Variants in CCNJL observed in about 807,000 individuals in gnomAD.
The protein encoded by CCNJL is cyclin-J-like protein.
Under a neutral mutation model 33.4 loss-of-function variants are expected in CCNJL, and 33 were observed. That is an observed-to-expected ratio of 0.99 (90% CI 0.75 to 1.32). The LOEUF is 1.32. Among genes scored for constraint, CCNJL ranks in the 40% most tolerant of loss-of-function variants. The pLI, the probability that CCNJL is intolerant of heterozygous loss-of-function variation, is 0.00. For missense variants in CCNJL, 512 were observed against 499.7 expected (o/e 1.02, Z -0.23); for synonymous variants, 227 against 220.9 (o/e 1.03, Z -0.24).
chr5:160,280,509 G>T lies in CCNJL; in HGVS notation c.280+16C>A. The T allele has an allele frequency of 6.2e-7, 1 of 1,604,340 alleles. No homozygotes were observed. ...AGACCGCACAAGCGCGGAGGAAGACGTAGGTTTTCGCTTACTTGCAAGCAG... is the reference window on the plus strand; with the variant it reads ...AGACCGCACAAGCGCGGAGGAAGACTTAGGTTTTCGCTTACTTGCAAGCAG... On this transcript the variant is annotated intron_variant, in intron 3 of 5. Coordinates refer to ENST00000257536, the MANE Select transcript of CCNJL (RefSeq NM_001308173.3).
At chr5:160,266,753 T>C (rs542278047) in intron 3 of CCNJL, among the ~76,000 whole-genome samples, 14 of 152,222 alleles carry the variant, frequency 9.2e-5, no homozygotes, top group African/African-American at 3.4e-4. Flanking sequence ...TATCTAGAAA[T>C]ATTTTCTTAC....
chr5:160,289,687 G>C (rs1050016550), intron 2 of CCNJL, among the ~76,000 whole-genome samples: 1 of 152,166 alleles, frequency 6.6e-6, no homozygotes, highest in African/African-American at 2.4e-5. Context: ...ATGAATCACA[G>C]CCCACCTAAA....
At position 160,320,379 on chromosome 5, in the gene CCNJL, C is replaced by T. The variant is rs1048359484; in HGVS notation, n.207-4874G>A. Among the ~76,000 whole-genome samples, 3 of 152,218 alleles carry T rather than the reference C, an allele frequency of 2.0e-5. No homozygotes were observed. In the South Asian group the frequency reaches 6.2e-4, roughly 32 times the overall value. On this transcript the variant is annotated intron_variant and non_coding_transcript_variant, in intron 1 of 7. Transcript: ENST00000377503. ...GGGTGGGATTCGATCCCAGAGGACA[C>T]AATCTGGGGGGATAAGAGGGTCAGG... is the stretch of plus-strand genomic sequence containing the variant.
At chr5:160,273,650 T>TTG (rs1761914629) in intron 3 of CCNJL, among the ~76,000 whole-genome samples, 1 of 144,136 alleles carries the variant, frequency 6.9e-6, no homozygotes, top group African/African-American at 2.6e-5. Context: ...CACTTTTTTT[T>TTG]TTTTTTTTTT....
intron 1 of CCNJL, among the ~76,000 whole-genome samples, chr5:160,338,968 T>A (rs1158698188): frequency 6.6e-6 from 1 of 152,096 alleles, no homozygotes; most frequent in African/African-American, 2.4e-5. Flanking sequence ...TTTTTGTATT[T>A]AGTAGAGATG....
intron 1 of CCNJL, among the ~76,000 whole-genome samples, chr5:160,333,572 C>G (rs896585105): frequency 3.4e-5 from 5 of 148,838 alleles, no homozygotes; most frequent in Non-Finnish European, 5.9e-5. Flanking sequence ...GCCTGGGTAA[C>G]AGAGTGAGAC....
Position 160,280,667 on chromosome 5 carries a change from C to T in CCNJL, c.138G>A (p.Leu46=). 6.2e-7 allele frequency: 1 copy of T among 1,613,510 alleles called. No homozygotes were observed. The highest frequency in any genetic ancestry group is 8.5e-7 in the Non-Finnish European group (1 of 1,179,928). ...LKSRRFFVDI[L]TLLSSHCQLC... Reference sequence around the variant, plus strand: ...GCTGGCAGTGGCTGCTCAGCAGGGTCAGGATGTCCACGAAGAACCGGCGGC... The same window carrying T: ...GCTGGCAGTGGCTGCTCAGCAGGGTTAGGATGTCCACGAAGAACCGGCGGC... Residue 46 remains leucine, a synonymous_variant, in exon 3 of 6, where the codon CTG becomes CTA. Transcript: ENST00000257536.
At chr5:160,278,464 G>C (rs1004069746) in intron 3 of CCNJL, among the ~76,000 whole-genome samples, 1 of 152,150 alleles carries the variant, frequency 6.6e-6, no homozygotes, top group African/African-American at 2.4e-5. Context: ...CTGGGGAGAG[G>C]GGAGGAGGGA....
At chr5:160,272,093 G>A (rs1761856203) in intron 3 of CCNJL, among the ~76,000 whole-genome samples, 1 of 152,232 alleles carries the variant, frequency 6.6e-6, no homozygotes, top group Non-Finnish European at 1.5e-5. Flanking sequence ...CAGCTTTGGG[G>A]AGAGCTGATG....
rs150091391 is a variant in CCNJL, at chr5:160,285,830, T to C, written c.67-5092A>G. Among the ~76,000 whole-genome samples, 350 of 152,324 alleles carry C rather than the reference T, an allele frequency of 2.3e-3. 4 individuals carry two copies. The highest frequency in any genetic ancestry group is 8.2e-3 in the African/African-American group (342 of 41,570). Reference sequence around the variant, plus strand: ...AACTGAAGGGATTAGAGCAGATCATTGGCCTGGTCTGAGCAGCCTTGCATA... The same window carrying C: ...AACTGAAGGGATTAGAGCAGATCATCGGCCTGGTCTGAGCAGCCTTGCATA... On this transcript the variant is annotated intron_variant, in intron 2 of 5. Coordinates refer to ENST00000257536, the MANE Select transcript of CCNJL (RefSeq NM_001308173.3).
intron 4 of CCNJL, 127 bp from the exon 5 acceptor site, chr5:160,255,835 G>A (rs1309118750): frequency 3.5e-5 from 27 of 762,766 alleles, no homozygotes; most frequent in Non-Finnish European, 5.7e-5. Context: ...AAATAGGATG[G>A]AAAATTAGAA....
rs1251467174 is a variant in CCNJL, at chr5:160,252,170, T to A, written c.*1208A>T. 1 of 152,662 alleles carries A rather than the reference T, an allele frequency of 6.6e-6. No homozygotes were observed. Among genetic ancestry groups the A allele is most frequent in the Non-Finnish European group, 1.5e-5 (1 of 68,042 alleles). The allele number at this position is 152,662 out of a possible 1,614,324, so 9.5% of individuals were successfully genotyped here. The stretch of plus-strand genomic sequence containing the variant: ...GCTGAGCACAAGCTGCGAGTCAGAA[T>A]AAAAACATATTGCACATGGTTACAA... On this transcript the variant is annotated 3_prime_UTR_variant, in exon 6 of 6. Transcript: ENST00000257536.
chr5:160,261,765 C>T (rs930692035), intron 3 of CCNJL, among the ~76,000 whole-genome samples: 8 of 152,188 alleles, frequency 5.3e-5, no homozygotes, highest in African/African-American at 9.7e-5. Flanking sequence ...AGATATTAAA[C>T]GGACTTCCTA....
Position 160,252,281 on chromosome 5 carries a change from A to C in CCNJL, c.*1097T>G, listed in dbSNP as rs1012732780. 2.0e-5 allele frequency: 3 copies of C among 152,656 alleles called. No homozygotes were observed. Among genetic ancestry groups the C allele is most frequent in the African/African-American group, 7.2e-5 (3 of 41,454 alleles). 9.5% of individuals were successfully genotyped at this position (152,656 alleles called of 1,614,324 possible). The stretch of plus-strand genomic sequence containing the variant: ...TCGCTTGCCTATCAATGGTGGTATC[A>C]AACGCCCATGTACATCCCACTCCCC... On this transcript the variant is annotated 3_prime_UTR_variant, in exon 6 of 6. Transcript: ENST00000257536.
upstream of CCNJL, among the ~76,000 whole-genome samples, chr5:160,313,474 ACT>A (rs986423178): frequency 3.9e-5 from 6 of 152,198 alleles, no homozygotes; most frequent in African/African-American, 1.4e-4. Flanking sequence ...TTAAGTGAAC[ACT>A]CAGTAAACAA....
At chr5:160,320,850 C>CCTTCTTTCTTTCTTTCTTTCTTTCTTTCT (rs1763439163) in intron 1 of CCNJL, among the ~76,000 whole-genome samples, 1 of 55,532 alleles carries the variant, frequency 1.8e-5, no homozygotes, top group African/African-American at 6.0e-5. Context: ...TCTTTCTTTC[C>CCTTCTTTCTTTCTTTCTTTCTTTCTTTCT]TTCTTTCTTT....
At position 160,255,657 on chromosome 5, in the gene CCNJL, C is replaced by T. The variant is rs955022133; in HGVS notation, c.635G>A (p.Gly212Glu). The T allele has an allele frequency of 1.2e-6, 2 of 1,614,046 alleles. No homozygotes were observed. Among genetic ancestry groups the T allele is most frequent in the African/African-American group, 1.3e-5 (1 of 75,038 alleles). ...AAGCTGCAGGCAAATCCTGGAGGCCCCAACACAGGCCGCAGCGACCACAGA... is the reference window on the plus strand; with the variant it reads ...AAGCTGCAGGCAAATCCTGGAGGCCTCAACACAGGCCGCAGCGACCACAGA... ...QPSVVAAACV[G>E]ASRICLQLSP... The change falls in exon 5 of 6, where the codon GGG becomes GAG. Residue 212 changes from glycine to glutamate, a missense_variant. By Grantham distance (98) the Gly-to-Glu change is moderately conservative (BLOSUM62 -2). Transcript: ENST00000257536.
intron 2 of CCNJL, among the ~76,000 whole-genome samples, chr5:160,310,515 C>T (rs1231303749): frequency 2.0e-5 from 3 of 152,154 alleles, no homozygotes; most frequent in Non-Finnish European, 2.9e-5. Flanking sequence ...TCCAGACACT[C>T]GGAGCAAATG....
rs140788968 is a variant in CCNJL at position 160,333,023 on chromosome 5, A to C, written n.206+6422T>G. Among the ~76,000 whole-genome samples, 1,400 of 152,218 alleles carry C rather than the reference A, an allele frequency of 9.2e-3. 10 individuals carry two copies. The highest frequency in any genetic ancestry group is 0.015 in the Non-Finnish European group (1,022 of 68,018). On this transcript the variant is annotated intron_variant and non_coding_transcript_variant, in intron 1 of 7. Transcript: ENST00000377503. The stretch of plus-strand genomic sequence containing the variant: ...TCCTCCGCTGGGCATGGTGGCTCAC[A>C]TCTGTAATCCCAGCACTTTGGGATG...
Sources: allele counts gnomAD v4.1 joint callset (sites outside exome capture counted in the v4.1 genomes callset), GRCh38; gene constraint gnomAD v4.1.1; transcripts MANE v1.5; gene names NCBI Gene and HGNC (gene_info 2026-07-23, HGNC 2026-07-21).